The following CCDC138 variants were observed in gnomAD, a reference collection of about 807,000 sequenced individuals.
CCDC138 encodes the protein coiled-coil domain containing 138.
In CCDC138, 66 loss-of-function variants were observed where a neutral mutation model predicts 82.3. The ratio of observed to expected loss-of-function variants is 0.80; its 90% CI spans 0.66 to 0.98. The LOEUF (loss-of-function observed/expected upper bound fraction) is 0.98. Among genes scored for constraint, CCDC138 ranks in the 50% least tolerant of loss-of-function variants. The pLI is 0.00. For missense variants in CCDC138, 816 were observed against 758.9 expected, an observed-to-expected ratio of 1.08 and a Z score of -0.88; for synonymous variants, 297 against 265.4, an observed-to-expected ratio of 1.12 and a Z score of -1.16.
At chr2:108,805,398 T>A (rs993435402) in intron 7 of CCDC138, among the ~76,000 whole-genome samples, 1 of 152,174 alleles carries the variant, frequency 6.6e-6, no homozygotes, top group African/African-American at 2.4e-5. Context: ...CTCATGGTTA[T>A]AAACTGGTAT....
At chr2:108,831,523 A>T (rs924712837) in intron 10 of CCDC138, among the ~76,000 whole-genome samples, 1 of 152,232 alleles carries the variant, frequency 6.6e-6, no homozygotes, top group South Asian at 2.1e-4. Context: ...TCATGAAAAT[A>T]TGAAATGGCT....
At chr2:108,854,009 TAATATATAATAA>T (rs1574240684) in intron 12 of CCDC138, among the ~76,000 whole-genome samples, 1 of 98,694 alleles carries the variant, frequency 1.0e-5, no homozygotes, top group East Asian at 2.3e-4. Context: ...ATATTATATA[TAATATATAATAA>T]ATTTATATTA....
intron 11 of CCDC138, among the ~76,000 whole-genome samples, chr2:108,841,126 G>A (rs563856920): frequency 2.6e-5 from 4 of 152,176 alleles, no homozygotes; most frequent in South Asian, 4.2e-4. Flanking sequence ...GTGAGCCACC[G>A]TGTCTGGCTC....
chr2:108,812,337 A>C (rs1304913347), intron 7 of CCDC138, among the ~76,000 whole-genome samples: 1 of 152,198 alleles, frequency 6.6e-6, no homozygotes, highest in Admixed American at 6.5e-5. Flanking sequence ...GTTATAGTTC[A>C]GATAACAGTG....
At chr2:108,838,176 GC>G (rs1200783342) in intron 10 of CCDC138, among the ~76,000 whole-genome samples, 1 of 152,086 alleles carries the variant, frequency 6.6e-6, no homozygotes, top group Non-Finnish European at 1.5e-5. Flanking sequence ...AAGGGGTCTG[GC>G]TCTGAATTGG....
intron 11 of CCDC138, 93 bp downstream of exon 11, chr2:108,839,394 C>T: frequency 9.4e-7 from 1 of 1,068,372 alleles, no homozygotes; most frequent in Non-Finnish European, 1.3e-6. Context: ...AATATATTCT[C>T]TGTATTTCAG....
chr2:108,800,043 T>TA (rs1384033669), intron 6 of CCDC138, among the ~76,000 whole-genome samples: 1 of 152,210 alleles, frequency 6.6e-6, no homozygotes, highest in Admixed American at 6.5e-5. Context: ...GAGCATAGTT[T>TA]AAAAACTATG....
chr2:108,812,767 T>C (rs540023882), intron 8 of CCDC138, 53 bp from the exon 9 acceptor site: 66 of 1,611,178 alleles, frequency 4.1e-5, no homozygotes, highest in Admixed American at 1.7e-4. Flanking sequence ...TACCTTTGAG[T>C]TTACTCATTT....
At chr2:108,833,360 A>G (rs947111218) in intron 10 of CCDC138, among the ~76,000 whole-genome samples, 1 of 152,228 alleles carries the variant, frequency 6.6e-6, no homozygotes, top group African/African-American at 2.4e-5. Context: ...GCATGTAAAC[A>G]TTCTCAACTT....
At chr2:108,869,189 T>C (rs903058023) in intron 13 of CCDC138, among the ~76,000 whole-genome samples, 12 of 152,100 alleles carry the variant, frequency 7.9e-5, no homozygotes, top group African/African-American at 2.9e-4. Flanking sequence ...AAAATAACTT[T>C]GTAGGAACTA....
At chr2:108,816,193 A>G in intron 10 of CCDC138, 88 bp downstream of exon 10, 5 of 967,632 alleles carry the variant, frequency 5.2e-6, no homozygotes, top group Admixed American at 2.4e-5. Flanking sequence ...GCTCACGTCT[A>G]TAATCCCATC....
chr2:108,791,503 C>G (rs1396603455), intron 3 of CCDC138, 172 bp from the exon 4 acceptor site: 1 of 695,996 alleles, frequency 1.4e-6, no homozygotes, highest in Non-Finnish European at 2.5e-6. Context: ...TATCAATGAT[C>G]AGTGACTGTT....
intron 3 of CCDC138, 123 bp from the exon 4 acceptor site, chr2:108,791,552 C>T (rs1363001623): frequency 8.8e-7 from 1 of 1,134,744 alleles, no homozygotes; most frequent in Non-Finnish European, 1.3e-6. Flanking sequence ...TTACATTTTG[C>T]AGTTTAAAAA....
At position 108,834,982 on chromosome 2, in the gene CCDC138, T is replaced by C. The variant is rs186534839; in HGVS notation, c.1207-4203T>C. Among the ~76,000 whole-genome samples, 315 of 152,372 alleles carry C rather than the reference T, an allele frequency of 2.1e-3. 2 individuals carry two copies. The highest frequency in any genetic ancestry group is 7.0e-3 in the African/African-American group (291 of 41,592). ...TGAAGGTCAGTTGGCAGCTCTTCAA[T>C]TGAAGTCAAATGGATCTTGAAATAA... On this transcript the variant is annotated intron_variant, in intron 10 of 14. Coordinates refer to ENST00000295124, the MANE Select transcript of CCDC138 (RefSeq NM_144978.3).
chr2:108,787,186 T>TG (rs771437508), intron 1 of CCDC138, among the ~76,000 whole-genome samples: 21 of 152,352 alleles, frequency 1.4e-4, no homozygotes, highest in Non-Finnish European at 2.8e-4. Flanking sequence ...AGCTTTTTTT[T>TG]GCAGTGATGT....
chr2:108,797,282 T>C (rs544230753), intron 5 of CCDC138, among the ~76,000 whole-genome samples: 27 of 151,332 alleles, frequency 1.8e-4, no homozygotes, highest in Middle Eastern at 3.4e-3. Context: ...CCAGAGAGAG[T>C]TGGTGGAAAA....
chr2:108,839,080 G>T, intron 10 of CCDC138, 105 bp from the exon 11 acceptor site: 1 of 1,217,138 alleles, frequency 8.2e-7, no homozygotes, highest in Non-Finnish European at 1.1e-6. Flanking sequence ...GAACTCTTTT[G>T]TTTTGTTTTG....
intron 10 of CCDC138, among the ~76,000 whole-genome samples, chr2:108,822,356 A>G (rs1040400587): frequency 2.0e-5 from 3 of 152,348 alleles, no homozygotes; most frequent in South Asian, 2.1e-4. Flanking sequence ...TACTACTAGG[A>G]AACTTCAATA....
intron 10 of CCDC138, among the ~76,000 whole-genome samples, chr2:108,824,885 C>G (rs1047350884): frequency 1.3e-5 from 2 of 152,016 alleles, no homozygotes; most frequent in East Asian, 3.8e-4. Context: ...CTCATGGGAC[C>G]AGCATTGTTA....
Sources: gnomAD v4.1 joint callset for allele counts (sites outside exome capture counted in the v4.1 genomes callset) on GRCh38, gnomAD v4.1.1 for gene constraint, MANE v1.5 for transcripts, NCBI Gene and HGNC (gene_info 2026-07-23, HGNC 2026-07-21) for gene names.